PTPRD: variants seen among roughly 807,000 people sequenced by gnomAD.
The protein encoded by PTPRD is receptor-type tyrosine-protein phosphatase delta.
In PTPRD, 34 loss-of-function variants were observed where a neutral mutation model predicts 214.5. The ratio of observed to expected loss-of-function variants is 0.16; its 90% CI spans 0.12 to 0.21. The LOEUF (loss-of-function observed/expected upper bound fraction) is 0.21. PTPRD is among the 10% of genes least tolerant of loss of function. PTPRD has a pLI of 1.00. For synonymous variants in PTPRD, 1,128 were observed against 845.7 expected (o/e 1.33, Z -5.79); for missense variants, 2,545 against 2,398.7 (o/e 1.06, Z -1.27).
At chr9:8,860,183 C>G (rs1173080845) in intron 11 of PTPRD, 2 of 152,176 alleles carry the variant, frequency 1.3e-5, no homozygotes, top group Non-Finnish European at 2.9e-5. Flanking sequence ...TTTGCTGTTA[C>G]TTTTGTGGGA....
At chr9:10,416,946 T>C (rs1442855515) in intron 2 of PTPRD, among the ~76,000 whole-genome samples, 4 of 151,878 alleles carry the variant, frequency 2.6e-5, no homozygotes, top group Admixed American at 2.6e-4. Flanking sequence ...GCAAATAGAT[T>C]TTGCAGGAAC....
At chr9:9,033,309 A>AT (rs1228455040) in intron 10 of PTPRD, among the ~76,000 whole-genome samples, 4 of 152,136 alleles carry the variant, frequency 2.6e-5, no homozygotes, top group African/African-American at 9.7e-5. Flanking sequence ...AGTCTCATAA[A>AT]GAGGAGGAAA....
intron 4 of PTPRD, among the ~76,000 whole-genome samples, chr9:9,940,056 A>G (rs1024878647): frequency 1.3e-5 from 2 of 152,200 alleles, no homozygotes; most frequent in Non-Finnish European, 2.9e-5. Context: ...AGCTTAATAA[A>G]GAACTCATTT....
At chr9:8,593,363 T>C (rs964111108) in intron 14 of PTPRD, among the ~76,000 whole-genome samples, 1 of 152,198 alleles carries the variant, frequency 6.6e-6, no homozygotes, top group Non-Finnish European at 1.5e-5. Flanking sequence ...ACAGAACCAG[T>C]GTGGAACAAA....
chr9:8,699,376 A>C (rs2098017483), intron 12 of PTPRD, among the ~76,000 whole-genome samples: 1 of 152,190 alleles, frequency 6.6e-6, no homozygotes, highest in Non-Finnish European at 1.5e-5. Flanking sequence ...AAAAAAGATT[A>C]ATTCCTGAAA....
At chr9:9,503,527 G>A (rs1230263823) in intron 8 of PTPRD, among the ~76,000 whole-genome samples, 1 of 151,682 alleles carries the variant, frequency 6.6e-6, no homozygotes, top group Admixed American at 6.6e-5. Flanking sequence ...GGAGGCCATG[G>A]AATGTTTGCT....
intron 5 of PTPRD, among the ~76,000 whole-genome samples, chr9:9,891,597 C>A (rs191615518): frequency 6.6e-6 from 1 of 152,024 alleles, no homozygotes; most frequent in East Asian, 1.9e-4. Flanking sequence ...TGATACAGGT[C>A]TATTCCACTT....
At chr9:9,324,684 T>C (rs1378507492) in intron 9 of PTPRD, among the ~76,000 whole-genome samples, 1 of 152,116 alleles carries the variant, frequency 6.6e-6, no homozygotes, top group Non-Finnish European at 1.5e-5. Context: ...GTGCAGAAGC[T>C]CTTTAGTTTA....
chr9:9,756,786 G>C (rs12380882), intron 6 of PTPRD, among the ~76,000 whole-genome samples: 1 of 152,130 alleles, frequency 6.6e-6, no homozygotes, highest in Non-Finnish European at 1.5e-5. Flanking sequence ...TCAGATTCCA[G>C]AGACCACAGT....
chr9:10,378,553 G>T (rs1461270205), intron 2 of PTPRD, among the ~76,000 whole-genome samples: 3 of 151,948 alleles, frequency 2.0e-5, no homozygotes, highest in Admixed American at 6.6e-5. Flanking sequence ...AGTTTTCCAA[G>T]AATCATTTAT....
chr9:9,568,327 A>G (rs1486085254), intron 8 of PTPRD, among the ~76,000 whole-genome samples: 1 of 151,840 alleles, frequency 6.6e-6, no homozygotes, highest in East Asian at 1.9e-4. Flanking sequence ...TAAATGACTG[A>G]GGTGGGAGGT....
intron 2 of PTPRD, among the ~76,000 whole-genome samples, chr9:10,546,010 AT>A (rs1241020797): frequency 1.3e-5 from 2 of 151,852 alleles, no homozygotes; most frequent in South Asian, 2.1e-4. Context: ...ACAAAGTAAC[AT>A]TTTTTTTAAA....
chr9:8,553,371 G>C (rs1048722392), intron 14 of PTPRD, among the ~76,000 whole-genome samples: 2 of 152,178 alleles, frequency 1.3e-5, no homozygotes, highest in East Asian at 3.9e-4. Context: ...CAAACAGTGG[G>C]CCTGAGTCCC....
intron 11 of PTPRD, among the ~76,000 whole-genome samples, chr9:8,907,679 T>C (rs1431375587): frequency 6.6e-6 from 1 of 151,570 alleles, no homozygotes; most frequent in Non-Finnish European, 1.5e-5. Flanking sequence ...ATTTACTACA[T>C]GGACTTAATA....
Position 10,249,563 on chromosome 9 carries a change from G to A in PTPRD, c.-545+91400C>T, listed in dbSNP as rs180809819. On this transcript the variant is annotated intron_variant, in intron 3 of 45. Transcript: ENST00000381196. ...TGGTCACTGGCCAACTATAAGTTAGGTAAAGAAACTTATCTGAAATTTTAT... is the reference window on the plus strand; with the variant it reads ...TGGTCACTGGCCAACTATAAGTTAGATAAAGAAACTTATCTGAAATTTTAT... 4.0e-3 allele frequency among the ~76,000 whole-genome samples: 608 copies of A among 152,250 alleles called. 7 individuals carry two copies. The highest frequency in any genetic ancestry group is 0.013 in the African/African-American group (557 of 41,548).
chr9:10,460,390 G>T (rs536373201), intron 2 of PTPRD, among the ~76,000 whole-genome samples: 1 of 150,876 alleles, frequency 6.6e-6, no homozygotes, highest in East Asian at 2.0e-4. Flanking sequence ...CCTAAAATTT[G>T]TATGAAACCA....
At chr9:9,925,627 T>TA (rs146296241) in intron 5 of PTPRD, among the ~76,000 whole-genome samples, 8 of 151,774 alleles carry the variant, frequency 5.3e-5, no homozygotes, top group Non-Finnish European at 1.0e-4. Flanking sequence ...CAAAATTTTT[T>TA]AAAAAAAACT....
At chr9:8,560,128 C>T (rs558020275) in intron 14 of PTPRD, among the ~76,000 whole-genome samples, 2 of 152,218 alleles carry the variant, frequency 1.3e-5, no homozygotes, top group Non-Finnish European at 2.9e-5. Flanking sequence ...TTAAGCTTGC[C>T]TCTATTCATA....
intron 4 of PTPRD, among the ~76,000 whole-genome samples, chr9:9,942,592 A>C (rs1186371457): frequency 6.6e-6 from 1 of 152,104 alleles, no homozygotes. Context: ...GAATCAAACT[A>C]ATTTGTGCTT....
Sources: allele counts gnomAD v4.1 joint callset (sites outside exome capture counted in the v4.1 genomes callset), GRCh38; gene constraint gnomAD v4.1.1; transcripts MANE v1.5; gene names NCBI Gene and HGNC (gene_info 2026-07-23, HGNC 2026-07-21).